The following MTAP variants were observed in gnomAD, a reference collection of about 807,000 sequenced individuals.
MTAP encodes the protein methylthioadenosine phosphorylase, also known as S-methyl-5'-thioadenosine phosphorylase.
A neutral mutation model predicts 33.6 loss-of-function variants in MTAP; 33 were observed. That is an observed-to-expected ratio of 0.98 (90% confidence interval 0.74 to 1.31). The LOEUF is 1.31. MTAP is among the 40% of genes most tolerant of loss of function. The pLI is 0.00. For synonymous variants in MTAP, 148 were observed against 125.7 expected (o/e 1.18, Z -1.19); for missense variants, 367 against 360.0 (o/e 1.02, Z -0.16).
rs1818805104 is a variant in MTAP at position 21,922,597 on chromosome 9, T to C, written c.148-8411T>C. Among the ~76,000 whole-genome samples, 1 of 152,214 alleles carries C rather than the reference T, an allele frequency of 6.6e-6. No individual in the cohort carries two copies. Among genetic ancestry groups the C allele is most frequent in the Non-Finnish European group, 1.5e-5 (1 of 68,030 alleles). On this transcript the variant is annotated intron_variant, in intron 1 of 1. Transcript: ENST00000577563. This position sits in a 1 kb window ranked among gnomAD's most constrained non-coding sequence, Gnocchi z 4.8. ...CAGATTCACTGCTGCTAACATACTT[T>C]GATGCCACATGGCTTGGATACGTTC...
chr9:21,822,030 A>G (rs1447918039), intron 4 of MTAP, among the ~76,000 whole-genome samples: 1 of 151,376 alleles, frequency 6.6e-6, no homozygotes, highest in Non-Finnish European at 1.5e-5. Context: ...TTTCTTCTTT[A>G]TTAGTCTTGC....
chr9:21,932,380 G>C (rs1818975731), downstream of MTAP: 2 of 152,204 alleles, frequency 1.3e-5, no homozygotes, highest in Non-Finnish European at 2.9e-5. Flanking sequence ...TTCTGCTAAG[G>C]TGTAGATATA....
chr9:21,827,993 G>C (rs3927737), intron 4 of MTAP, among the ~76,000 whole-genome samples: 2 of 152,098 alleles, frequency 1.3e-5, no homozygotes, highest in African/African-American at 4.8e-5. Context: ...TAAACAGTAT[G>C]ACTATACGCT....
intron 1 of MTAP, among the ~76,000 whole-genome samples, chr9:21,807,986 C>T (rs1824249754): frequency 6.6e-6 from 1 of 152,178 alleles, no homozygotes; most frequent in South Asian, 2.1e-4. Flanking sequence ...CAGCCTGTGC[C>T]TCAAAAGCAT....
intron 5 of MTAP, among the ~76,000 whole-genome samples, chr9:21,838,857 T>C (rs1458803537): frequency 2.0e-5 from 3 of 152,270 alleles, no homozygotes; most frequent in Admixed American, 6.5e-5. Flanking sequence ...AACTGCTTCA[T>C]AAAATCTCCC....
At chr9:21,910,186 T>C (rs1426654351) in intron 1 of MTAP, among the ~76,000 whole-genome samples, 1 of 152,150 alleles carries the variant, frequency 6.6e-6, no homozygotes, top group African/African-American at 2.4e-5. Flanking sequence ...ATTAAAAATA[T>C]GTATAAAACA....
At chr9:21,831,337 AT>A (rs1218195808) in intron 4 of MTAP, among the ~76,000 whole-genome samples, 1 of 151,944 alleles carries the variant, frequency 6.6e-6, no homozygotes, top group Non-Finnish European at 1.5e-5. Context: ...CCCACATTGT[AT>A]TTTTTTGTTG....
At chr9:21,860,354 C>T (rs913414998) in intron 7 of MTAP, 12 of 152,230 alleles carry the variant, frequency 7.9e-5, no homozygotes, top group Admixed American at 7.2e-4. Flanking sequence ...AGAAGTGATA[C>T]ACACAGCTCT....
At chr9:21,929,250 G>A (rs1388923170) in intron 1 of MTAP, among the ~76,000 whole-genome samples, 1 of 152,144 alleles carries the variant, frequency 6.6e-6, no homozygotes, top group Non-Finnish European at 1.5e-5. Context: ...TGGAAGACCT[G>A]AAATTCCTCT....
intron 1 of MTAP, among the ~76,000 whole-genome samples, chr9:21,884,911 A>G (rs1818085063): frequency 6.6e-6 from 1 of 152,208 alleles, no homozygotes; most frequent in African/African-American, 2.4e-5. Context: ...ATACACAATT[A>G]GTAAAACTGT....
At chr9:21,911,842 G>C (rs893206605) in intron 1 of MTAP, among the ~76,000 whole-genome samples, 2 of 152,148 alleles carry the variant, frequency 1.3e-5, no homozygotes, top group Non-Finnish European at 2.9e-5. Flanking sequence ...GAATCCAGGA[G>C]CTGGTTTTTT....
At chr9:21,900,857 T>A (rs1818380210) in intron 1 of MTAP, among the ~76,000 whole-genome samples, 2 of 152,176 alleles carry the variant, frequency 1.3e-5, no homozygotes, top group South Asian at 4.1e-4. Context: ...CAAAATAATG[T>A]CTTTTGCAGC....
chr9:21,897,137 T>G (rs1330499321), intron 1 of MTAP, among the ~76,000 whole-genome samples: 1 of 152,182 alleles, frequency 6.6e-6, no homozygotes, highest in Non-Finnish European at 1.5e-5. Flanking sequence ...AACTACATGA[T>G]TATCTCAATA....
chr9:21,938,066 A>G (rs1587310849), downstream of MTAP, among the ~76,000 whole-genome samples: 1 of 152,244 alleles, frequency 6.6e-6, no homozygotes, highest in Admixed American at 6.5e-5. Context: ...TGAGCTCAGG[A>G]GTTTGAGACC....
intron 7 of MTAP, chr9:21,860,662 T>TA (rs941727978): frequency 6.6e-6 from 1 of 152,286 alleles, no homozygotes; most frequent in South Asian, 2.1e-4. Context: ...GGAGCTTGCA[T>TA]AAAAAAACGC....
At position 21,863,323 on chromosome 9, in the gene MTAP, G is replaced by A. The variant is rs1825790182; in HGVS notation, c.*1309G>A. On this transcript the variant is annotated 3_prime_UTR_variant, in exon 8 of 8. Coordinates refer to ENST00000644715, the MANE Select transcript of MTAP (RefSeq NM_002451.4). ...TTGTTATTTTATAGAAATGCTTTTT[G>A]TTGGCCGGGCACAGTTGCTCATCCA... 2 of 983,920 alleles carry A rather than the reference G, an allele frequency of 2.0e-6. No individual in the cohort carries two copies. The highest frequency in any genetic ancestry group is 2.4e-6 in the Non-Finnish European group (2 of 828,748). 60.9% of individuals were successfully genotyped at this position (983,920 alleles called of 1,614,324 possible).
At chr9:21,851,365 A>G (rs1825507843) in intron 5 of MTAP, among the ~76,000 whole-genome samples, 1 of 152,208 alleles carries the variant, frequency 6.6e-6, no homozygotes, top group Non-Finnish European at 1.5e-5. Context: ...GTTTGTGCAT[A>G]TATACAGTTG....
intron 5 of MTAP, among the ~76,000 whole-genome samples, chr9:21,844,318 C>T (rs1825323308): frequency 6.6e-6 from 1 of 152,136 alleles, no homozygotes; most frequent in Non-Finnish European, 1.5e-5. Context: ...GAACTGGTAC[C>T]AATCTTACTG....
intron 1 of MTAP, among the ~76,000 whole-genome samples, chr9:21,891,981 T>G (rs551964590): frequency 1.3e-5 from 2 of 152,276 alleles, no homozygotes; most frequent in South Asian, 2.1e-4. Context: ...TCAACATTCT[T>G]AAAGAAAAGA....
Sources: allele counts gnomAD v4.1 joint callset (sites outside exome capture counted in the v4.1 genomes callset), GRCh38; gene constraint gnomAD v4.1.1; non-coding constraint Gnocchi (gnomAD v3.1); transcripts MANE v1.5; gene names NCBI Gene and HGNC (gene_info 2026-07-23, HGNC 2026-07-21).